AXDND1: variants seen among roughly 807,000 people sequenced by gnomAD.
The protein encoded by AXDND1 is axonemal dynein light chain domain containing 1.
In AXDND1, 110 loss-of-function variants were observed where a neutral mutation model predicts 137.5. The observed-to-expected ratio is 0.80, with a 90% confidence interval of 0.69 to 0.94. The LOEUF (loss-of-function observed/expected upper bound fraction) is 0.94, where lower values mean the gene tolerates loss of function less well. Among genes scored for constraint, AXDND1 ranks in the 40% least tolerant of loss-of-function variants. The pLI is 0.00. For missense variants in AXDND1, 1,191 were observed against 1,169.8 expected (o/e 1.02, Z -0.26); for synonymous variants, 414 against 399.7 (o/e 1.04, Z -0.43).
intron 12 of AXDND1, among the ~76,000 whole-genome samples, chr1:179,426,240 T>C (rs4652379): frequency 0.29 from 44,648 of 152,044 alleles, 6,774 homozygotes; most frequent in Non-Finnish European, 0.31. Flanking sequence ...AATGTTTGTA[T>C]AGTTAATATT....
intron 18 of AXDND1, among the ~76,000 whole-genome samples, chr1:179,487,787 G>A (rs1666245688): frequency 6.8e-6 from 1 of 147,998 alleles, no homozygotes; most frequent in Non-Finnish European, 1.5e-5. Flanking sequence ...TTTAAGCCCA[G>A]GAATTTAAGA....
At chr1:179,521,622 T>G (rs1670066252) in intron 21 of AXDND1, among the ~76,000 whole-genome samples, 1 of 152,170 alleles carries the variant, frequency 6.6e-6, no homozygotes, top group Non-Finnish European at 1.5e-5. Flanking sequence ...TGTTCTTTCT[T>G]CAAAAGTCTC....
chr1:179,383,422 C>G lies in AXDND1; in HGVS notation c.639-20C>G. 6.3e-7 allele frequency: 1 copy of G among 1,576,590 alleles called. No homozygotes were observed. The highest frequency in any genetic ancestry group is 8.7e-7 in the Non-Finnish European group (1 of 1,146,836). ...CTGTTGCAATGTTAATTGCATAAGT[C>G]TGCCACCTTAATTTTTTAGGAAACC... On this transcript the variant is annotated intron_variant, in intron 7 of 25. Coordinates refer to ENST00000367618, the MANE Select transcript of AXDND1 (RefSeq NM_144696.6).
At chr1:179,373,175 G>A (rs2125053721) in intron 4 of AXDND1, among the ~76,000 whole-genome samples, 1 of 152,206 alleles carries the variant, frequency 6.6e-6, no homozygotes, top group South Asian at 2.1e-4. Flanking sequence ...CTTTAATAAT[G>A]TATAGAAATA....
intron 11 of AXDND1, among the ~76,000 whole-genome samples, chr1:179,404,583 C>T (rs1007776386): frequency 1.3e-5 from 2 of 152,162 alleles, no homozygotes; most frequent in South Asian, 2.1e-4. Flanking sequence ...TGAACAAACT[C>T]CTTGCATCCC....
intron 7 of AXDND1, 89 bp from the exon 8 acceptor site, chr1:179,383,352 AT>A: frequency 1.1e-6 from 1 of 932,300 alleles, no homozygotes; most frequent in Non-Finnish European, 1.7e-6. Flanking sequence ...GAGCATATAT[AT>A]TCTCTTTACA....
Position 179,457,990 on chromosome 1 carries a change from C to CTT in AXDND1, c.1799-10443_1799-10442dup, listed in dbSNP as rs34295838. 7.5e-3 allele frequency among the ~76,000 whole-genome samples: 1,087 copies of CTT among 145,574 alleles called. 30 individuals carry two copies. The highest frequency in any genetic ancestry group is 0.055 in the Admixed American group (793 of 14,494). On this transcript the variant is annotated intron_variant, in intron 16 of 25. Coordinates refer to ENST00000367618, the MANE Select transcript of AXDND1 (RefSeq NM_144696.6). Reference sequence around the variant, plus strand: ...TTTTTCTTTTCTTTTCTTTCCTTCTCTTTTTTTTTTTCTTTTTTTGAGACA... The same window carrying CTT: ...TTTTTCTTTTCTTTTCTTTCCTTCTCTTTTTTTTTTTTTCTTTTTTTGAGACA...
chr1:179,462,505 T>C (rs75306413), intron 16 of AXDND1, among the ~76,000 whole-genome samples: 25,489 of 152,100 alleles, frequency 0.17, 2,480 homozygotes, highest in East Asian at 0.35. Flanking sequence ...TCTAAAATTC[T>C]CTTTTTTTTG....
At position 179,445,147 on chromosome 1, in the gene AXDND1, A is replaced by G. The variant is rs2125368320; in HGVS notation, c.1741A>G (p.Ile581Val). The change falls in exon 16 of 26, where the codon ATC becomes GTC. Residue 581 changes from isoleucine to valine, a missense_variant. Coordinates refer to ENST00000367618, the MANE Select transcript of AXDND1 (RefSeq NM_144696.6). ...PSERQYMEEI[I>V]KNIQKLYKEY... Reference sequence around the variant, plus strand: ...AGAGCGACAGTACATGGAGGAAATTATCAAAAACATACAAAAACTCTACAA... The same window carrying G: ...AGAGCGACAGTACATGGAGGAAATTGTCAAAAACATACAAAAACTCTACAA... 6.2e-7 allele frequency: 1 copy of G among 1,611,820 alleles called. No individual in the cohort carries two copies. Among genetic ancestry groups the G allele is most frequent in the South Asian group, 1.1e-5 (1 of 90,670 alleles).
At chr1:179,526,205 G>A (rs762786711) in intron 22 of AXDND1, among the ~76,000 whole-genome samples, 3 of 151,576 alleles carry the variant, frequency 2.0e-5, no homozygotes, top group Non-Finnish European at 4.4e-5. Context: ...TCTTTACCCC[G>A]TCTCAACCCC....
chr1:179,405,269 G>A (rs190996328), intron 11 of AXDND1, among the ~76,000 whole-genome samples: 16 of 152,256 alleles, frequency 1.1e-4, no homozygotes, highest in African/African-American at 3.6e-4. Flanking sequence ...TTTTATGGCT[G>A]CATAGTATTC....
rs7547634 is a variant in AXDND1, at chr1:179,388,834, G to A, written c.863+3475G>A. ...TAGTCTTGAACTCCTGGCCTCAAGC[G>A]ATCCGCCCACCTCAGCCTCCCAGAG... On this transcript the variant is annotated intron_variant, in intron 9 of 25. Transcript: ENST00000367618. 3.0e-3 allele frequency among the ~76,000 whole-genome samples: 461 copies of A among 151,160 alleles called. 3 individuals are homozygous for A. The highest frequency in any genetic ancestry group is 0.01 in the African/African-American group (424 of 41,128).
chr1:179,488,660 TTTCTTTC>T lies in AXDND1; in HGVS notation c.2092-2875_2092-2869del, dbSNP rs1453901028. On this transcript the variant is annotated intron_variant, in intron 18 of 25. Coordinates refer to ENST00000367618, the MANE Select transcript of AXDND1 (RefSeq NM_144696.6). ...CTTTCTTTCTTTCTTTCTTTCTTTC[TTTCTTTC>T]TTTCTTTCTTTCTTTCTTTCTTTCT... is the stretch of plus-strand genomic sequence containing the variant. Among the ~76,000 whole-genome samples, 19 of 111,560 alleles carry T rather than the reference TTTCTTTC, an allele frequency of 1.7e-4. 1 individual carries two copies. Among genetic ancestry groups the T allele is most frequent in the African/African-American group, 4.1e-5 (1 of 24,272 alleles). The allele number at this position is 111,560 out of a possible 152,430, so 73.2% of individuals were successfully genotyped here.
rs878993298 is a variant in AXDND1 at position 179,368,687 on chromosome 1, A to G, written c.98-113A>G. ...ATTTGTTACTATCTTTGTCAAATAGAAGCAATGTTTCTCTCTGTTAGAAAC... is the reference window on the plus strand; with the variant it reads ...ATTTGTTACTATCTTTGTCAAATAGGAGCAATGTTTCTCTCTGTTAGAAAC... On this transcript the variant is annotated intron_variant, in intron 2 of 25. Coordinates refer to ENST00000367618, the MANE Select transcript of AXDND1 (RefSeq NM_144696.6). 22 of 814,660 alleles carry G rather than the reference A, an allele frequency of 2.7e-5. No homozygotes were observed. The South Asian group carries it at 4.5e-4, about 17-fold the overall frequency. 50.5% of individuals were successfully genotyped at this position (814,660 alleles called of 1,614,324 possible).
At chr1:179,461,489 C>T (rs1662316438) in intron 16 of AXDND1, among the ~76,000 whole-genome samples, 1 of 152,030 alleles carries the variant, frequency 6.6e-6, no homozygotes, top group African/African-American at 2.4e-5. Flanking sequence ...TAGCATGATG[C>T]CTCCAGCTTT....
chr1:179,477,330 T>C (rs911263074), intron 17 of AXDND1, among the ~76,000 whole-genome samples: 1 of 152,134 alleles, frequency 6.6e-6, no homozygotes, highest in Admixed American at 6.5e-5. Flanking sequence ...TTTCACACTG[T>C]TGATAAAGAC....
intron 24 of AXDND1, among the ~76,000 whole-genome samples, chr1:179,534,147 T>C (rs1191476851): frequency 2.0e-5 from 3 of 152,184 alleles, no homozygotes; most frequent in Non-Finnish European, 4.4e-5. Context: ...TCAATGTTTG[T>C]TTCTAAGAGA....
intron 20 of AXDND1, among the ~76,000 whole-genome samples, chr1:179,504,852 A>G (rs945737105): frequency 6.6e-6 from 1 of 152,196 alleles, no homozygotes; most frequent in Non-Finnish European, 1.5e-5. Context: ...CTGCTCTCAC[A>G]CCAGAGGTAA....
intron 20 of AXDND1, among the ~76,000 whole-genome samples, chr1:179,506,124 G>A (rs182178774): frequency 2.0e-5 from 3 of 152,244 alleles, no homozygotes; most frequent in Admixed American, 1.3e-4. Context: ...TGGAAACTTA[G>A]CCAGGCCAGA....
Sources: allele counts gnomAD v4.1 joint callset (sites outside exome capture counted in the v4.1 genomes callset), GRCh38; gene constraint gnomAD v4.1.1; transcripts MANE v1.5; gene names NCBI Gene and HGNC (gene_info 2026-07-23, HGNC 2026-07-21).